LSS: variants seen among roughly 807,000 people sequenced by gnomAD.
LSS encodes the protein 2,3-epoxysqualene-lanosterol cyclase.
A neutral mutation model predicts 110.3 loss-of-function variants in LSS; 90 were observed. The observed-to-expected ratio is 0.82, with a 90% CI of 0.69 to 0.97. LSS has a LOEUF of 0.97. Among genes scored for constraint, LSS ranks in the 50% least tolerant of loss-of-function variants. The pLI, the probability that LSS is intolerant of heterozygous loss-of-function variation, is 0.00. For missense variants in LSS, 927 were observed against 990.0 expected (o/e 0.94, Z 0.85); for synonymous variants, 433 against 400.0 (o/e 1.08, Z -0.98).
intron 17 of LSS, among the ~76,000 whole-genome samples, chr21:46,202,116 C>T (rs1306379553): frequency 2.5e-4 from 34 of 135,434 alleles, no homozygotes; most frequent in Middle Eastern, 3.8e-3. Context: ...TAATATAGGC[C>T]GGGCGCGGTG....
intron 3 of LSS, among the ~76,000 whole-genome samples, chr21:46,226,977 A>G (rs192186248): frequency 6.6e-6 from 1 of 152,354 alleles, no homozygotes; most frequent in East Asian, 1.9e-4. Flanking sequence ...CTAGGGAAAA[A>G]AGTCCTATTG....
Position 46,215,206 on chromosome 21 carries a change from A to C in LSS, c.985T>G (p.Phe329Val). 1 of 1,610,782 alleles carries C rather than the reference A, an allele frequency of 6.2e-7. No individual in the cohort carries two copies. The highest frequency in any genetic ancestry group is 8.5e-7 in the Non-Finnish European group (1 of 1,179,878). ...GGGCCGATGCTGATGCTCTTGGTGA[A>C]TCGGTCGTCGGCCACAATGTGTTCA... ...LYEHIVADDR[F>V]TKSISIGPIS... Residue 329 changes from phenylalanine (F) to valine (V), a missense_variant, in exon 9 of 22, where the codon TTC becomes GTC. Phe to Val is a conservative substitution (Grantham distance 50). Transcript: ENST00000397728.
intron 6 of LSS, among the ~76,000 whole-genome samples, chr21:46,219,081 C>T (rs572252951): frequency 1.3e-5 from 2 of 152,232 alleles, no homozygotes; most frequent in Admixed American, 6.5e-5. Context: ...GGTGTCACGT[C>T]GGGACACACT....
intron 17 of LSS, among the ~76,000 whole-genome samples, chr21:46,196,705 C>A (rs778509795): frequency 6.6e-6 from 1 of 152,238 alleles, no homozygotes. Context: ...AAGGCCAGAG[C>A]GAAGTGTCTA....
intron 6 of LSS, among the ~76,000 whole-genome samples, chr21:46,218,332 C>CAAGACGCTGGTTA (rs2080233138): frequency 1.3e-5 from 2 of 150,618 alleles, no homozygotes; most frequent in Non-Finnish European, 3.0e-5. Flanking sequence ...TAAAATGTTA[C>CAAGACGCTGGTTA]AAGACACCAC....
intron 9 of LSS, 78 bp downstream of exon 9, chr21:46,215,102 A>G: frequency 1.6e-6 from 2 of 1,242,172 alleles, no homozygotes; most frequent in Non-Finnish European, 2.3e-6. Context: ...CTCCCAGCTC[A>G]CAGCCCGGCC....
chr21:46,207,359 TG>T (rs1191761607), intron 15 of LSS, 68 bp downstream of exon 15: 2 of 1,562,816 alleles, frequency 1.3e-6, no homozygotes, highest in African/African-American at 1.3e-5. Context: ...CCCACAGGAG[TG>T]GAAGTGAGCA....
chr21:46,200,934 A>G (rs141097072), intron 17 of LSS, among the ~76,000 whole-genome samples: 48 of 152,384 alleles, frequency 3.1e-4, no homozygotes, highest in African/African-American at 1.2e-3. Flanking sequence ...AGGGGTACAC[A>G]TCCTATCTGC....
intron 2 of LSS, 41 bp downstream of exon 2, chr21:46,228,393 C>A: frequency 6.3e-7 from 1 of 1,595,330 alleles, no homozygotes; most frequent in Non-Finnish European, 8.5e-7. Flanking sequence ...GCTCACCCCT[C>A]AGGGTCCCGA....
At position 46,216,485 on chromosome 21, in the gene LSS, G is replaced by A; in HGVS notation, c.687C>T (p.Leu229=). Residue 229 remains leucine, a synonymous_variant, in exon 7 of 22, where the codon CTC becomes CTT. Coordinates refer to ENST00000397728, the MANE Select transcript of LSS (RefSeq NM_002340.6). The surrounding 1 kb of genome is among the most constrained non-coding windows in gnomAD (Gnocchi z 4.2). The part of the protein sequence containing the change: ...PDWAPAHPST[L]WCHCRQVYLP... ...GGTACACCTGCCGGCAGTGGCACCA[G>A]AGTGTGGAGGGGTGTGCCGGTGCCC... 1 of 1,613,110 alleles carries A rather than the reference G, an allele frequency of 6.2e-7. No individual in the cohort carries two copies. The highest frequency in any genetic ancestry group is 8.5e-7 in the Non-Finnish European group (1 of 1,179,508).
intron 16 of LSS, among the ~76,000 whole-genome samples, 175 bp downstream of exon 16, chr21:46,206,497 C>G (rs982073632): frequency 6.6e-6 from 1 of 152,228 alleles, no homozygotes; most frequent in Non-Finnish European, 1.5e-5. Flanking sequence ...CCTGCCACCC[C>G]GGGGGATGGA....
At position 46,191,177 on chromosome 21, in the gene LSS, T is replaced by C; in HGVS notation, c.2126A>G (p.Asn709Ser). 1 of 1,614,138 alleles carries C rather than the reference T, an allele frequency of 6.2e-7. No individual in the cohort carries two copies. The highest frequency in any genetic ancestry group is 8.5e-7 in the Non-Finnish European group (1 of 1,179,996). The stretch of plus-strand genomic sequence containing the variant: ...GCCGAGGGCCCAGATGGGGAAGATG[T>C]TCCTGTAGCTCGTGTAGGAGATGGC... ...SCAISYTSYR[N>S]IFPIWALGRF... The change falls in exon 22 of 22, where the codon AAC (asparagine) becomes AGC (serine). Residue 709 changes from asparagine (N) to serine (S), a missense_variant. Coordinates refer to ENST00000397728, the MANE Select transcript of LSS (RefSeq NM_002340.6).
chr21:46,215,051 C>T (rs1327613404), intron 9 of LSS, 129 bp downstream of exon 9: 5 of 749,764 alleles, frequency 6.7e-6, no homozygotes, highest in Admixed American at 6.0e-5. Flanking sequence ...ATCAGAGGGC[C>T]ACCTCCCAAA....
chr21:46,211,756 A>C lies in LSS; in HGVS notation c.1138-1012T>G, dbSNP rs555879780. 2.6e-5 allele frequency among the ~76,000 whole-genome samples: 4 copies of C among 152,354 alleles called. No individual in the cohort carries two copies. The East Asian group carries it at 7.7e-4, about 29-fold the overall frequency. On this transcript the variant is annotated intron_variant, in intron 11 of 21. Coordinates refer to ENST00000397728, the MANE Select transcript of LSS (RefSeq NM_002340.6). The stretch of plus-strand genomic sequence containing the variant: ...GCCAGTTTACAAAAACTCAGGGAAC[A>C]TAAGAAGCAACCAGTCAGATCTGCA...
intron 20 of LSS, 37 bp from the exon 21 acceptor site, chr21:46,191,996 A>G (rs2123683882): frequency 1.4e-6 from 2 of 1,440,984 alleles, no homozygotes; most frequent in East Asian, 4.6e-5. Context: ...CCCAGCATGC[A>G]TGCCCCCACA....
In LSS at chr21:46,188,929, A is replaced by T. The variant is rs1601403507; in HGVS notation, c.*2175T>A. On this transcript the variant is annotated 3_prime_UTR_variant, in exon 22 of 22. Transcript: ENST00000397728. ...TATGGCCTTTAAAACATATTAAAAT[A>T]GGCTATGCTATTATCTCTTAAAATA... 1 of 380,332 alleles carries T rather than the reference A, an allele frequency of 2.6e-6. No homozygotes were observed. The highest frequency in any genetic ancestry group is 7.3e-5 in the East Asian group (1 of 13,734). The allele number at this position is 380,332 out of a possible 1,614,324, so 23.6% of individuals were successfully genotyped here. A position where few individuals can be genotyped will look rare whatever the true frequency, so the allele number is the denominator to read the frequency against.
In LSS at chr21:46,216,382, G is replaced by A; in HGVS notation, c.783+7C>T. On this transcript the variant is annotated splice_region_variant and intron_variant, in intron 7 of 21. Transcript: ENST00000397728. This position sits in a 1 kb window ranked among gnomAD's most constrained non-coding sequence, Gnocchi z 4.2. The stretch of plus-strand genomic sequence containing the variant: ...GGCCTTCACTTTGTTCCCTGATGAG[G>A]TCCTACCTGGCGGAGGCTCTGGACC... 6.2e-7 allele frequency: 1 copy of A among 1,613,650 alleles called. No individual in the cohort carries two copies. Among genetic ancestry groups the A allele is most frequent in the Non-Finnish European group, 8.5e-7 (1 of 1,179,996 alleles).
At chr21:46,222,570 C>T in intron 4 of LSS, 60 bp downstream of exon 4, 1 of 1,483,636 alleles carries the variant, frequency 6.7e-7, no homozygotes, top group Non-Finnish European at 9.3e-7. Flanking sequence ...CCAAGCATCT[C>T]CTACATCATG....
intron 3 of LSS, 66 bp from the exon 4 acceptor site, chr21:46,222,804 T>C (rs2080294236): frequency 1.6e-6 from 2 of 1,231,648 alleles, no homozygotes; most frequent in South Asian, 2.5e-5. Context: ...CCAGGCCCCT[T>C]TCCTCCTGAG....
Sources: gnomAD v4.1 joint callset for allele counts (sites outside exome capture counted in the v4.1 genomes callset) on GRCh38, gnomAD v4.1.1 for gene constraint, Gnocchi (gnomAD v3.1) non-coding constraint, MANE v1.5 for transcripts, NCBI Gene and HGNC (gene_info 2026-07-23, HGNC 2026-07-21) for gene names.